The following CCDC91 variants were observed in gnomAD, a reference collection of about 807,000 sequenced individuals.
CCDC91 encodes coiled-coil domain-containing protein 91.
In CCDC91, 48 loss-of-function variants were observed where a neutral mutation model predicts 63.2. The ratio of observed to expected loss-of-function variants is 0.76; its 90% CI spans 0.60 to 0.97. The LOEUF is 0.97. CCDC91 is among the 50% of genes least tolerant of loss of function. The pLI is 0.00. For missense variants in CCDC91, 500 were observed against 494.6 expected (o/e 1.01, Z -0.10); for synonymous variants, 167 against 165.8 (o/e 1.01, Z -0.06).
chr12:28,408,359 C>A (rs538000774), intron 8 of CCDC91, among the ~76,000 whole-genome samples: 1 of 152,190 alleles, frequency 6.6e-6, no homozygotes, highest in African/African-American at 2.4e-5. Context: ...ATATATGTGT[C>A]ACATTTTCTT....
intron 7 of CCDC91, among the ~76,000 whole-genome samples, chr12:28,382,463 TA>T (rs1036259148): frequency 2.0e-5 from 3 of 151,070 alleles, no homozygotes; most frequent in South Asian, 4.2e-4. Context: ...ACCATTAATG[TA>T]AAAAAAAATT....
chr12:28,281,462 C>G (rs1948606194), intron 3 of CCDC91, among the ~76,000 whole-genome samples: 1 of 152,150 alleles, frequency 6.6e-6, no homozygotes, highest in South Asian at 2.1e-4. Flanking sequence ...ATGATTGAAT[C>G]AGGCCATAAT....
At chr12:28,490,061 A>G (rs1951916538) in intron 12 of CCDC91, among the ~76,000 whole-genome samples, 1 of 151,838 alleles carries the variant, frequency 6.6e-6, no homozygotes, top group Non-Finnish European at 1.5e-5. Context: ...TTAATTCTTG[A>G]TATAAATCAG....
intron 12 of CCDC91, 43 bp downstream of exon 12, chr12:28,484,208 T>G (rs1951599616): frequency 9.4e-7 from 1 of 1,064,066 alleles, no homozygotes; most frequent in Non-Finnish European, 1.4e-6. Context: ...TTCAATAAAC[T>G]GAATCAGTGA....
chr12:28,519,672 A>T (rs932480737), intron 12 of CCDC91, among the ~76,000 whole-genome samples: 3 of 149,096 alleles, frequency 2.0e-5, no homozygotes, highest in Non-Finnish European at 4.5e-5. Context: ...TGCACCCATT[A>T]ACTCATCATT....
intron 11 of CCDC91, among the ~76,000 whole-genome samples, chr12:28,466,379 A>G (rs1950550631): frequency 6.6e-6 from 1 of 152,156 alleles, no homozygotes; most frequent in Non-Finnish European, 1.5e-5. Context: ...CACTAACCAC[A>G]TTTAATCCAA....
chr12:28,339,143 AT>A (rs1565822075), intron 6 of CCDC91, among the ~76,000 whole-genome samples: 1 of 152,038 alleles, frequency 6.6e-6, no homozygotes, highest in African/African-American at 2.4e-5. Context: ...GCCCAACTGG[AT>A]TCTGGTATAT....
chr12:28,273,610 A>G (rs1474970466), intron 3 of CCDC91, among the ~76,000 whole-genome samples: 1 of 151,954 alleles, frequency 6.6e-6, no homozygotes. Flanking sequence ...GCATTTTTTC[A>G]TGTGTCTTTT....
intron 6 of CCDC91, among the ~76,000 whole-genome samples, chr12:28,336,933 TAACTG>T (rs1942028159): frequency 6.6e-6 from 1 of 150,722 alleles, no homozygotes; most frequent in South Asian, 2.1e-4. Context: ...TTTAAAAAGT[TAACTG>T]AAGACAATAT....
intron 7 of CCDC91, among the ~76,000 whole-genome samples, chr12:28,375,809 C>T (rs1450679556): frequency 6.6e-6 from 1 of 151,894 alleles, no homozygotes; most frequent in Non-Finnish European, 1.5e-5. Flanking sequence ...TGCACTCGCT[C>T]AGACTTCATG....
At chr12:28,483,924 T>C in intron 11 of CCDC91, 128 bp from the exon 12 acceptor site, 1 of 519,044 alleles carries the variant, frequency 1.9e-6, no homozygotes, top group Non-Finnish European at 3.5e-6. Flanking sequence ...TTCTTATTCC[T>C]GTGTAAAGGT....
chr12:28,199,581 C>T (rs1175100748), intron 1 of CCDC91, among the ~76,000 whole-genome samples: 1 of 152,102 alleles, frequency 6.6e-6, no homozygotes, highest in Non-Finnish European at 1.5e-5. Flanking sequence ...TGTCTCTTGT[C>T]CTTTCAGTTC....
chr12:28,548,947 C>T, intron 12 of CCDC91, 116 bp from the exon 13 acceptor site: 2 of 633,228 alleles, frequency 3.2e-6, no homozygotes, highest in Non-Finnish European at 5.7e-6. Flanking sequence ...ATTTGATTTC[C>T]TAAATTGTCT....
At chr12:28,264,156 TAACA>T (rs991550753) in intron 3 of CCDC91, among the ~76,000 whole-genome samples, 6 of 151,794 alleles carry the variant, frequency 4.0e-5, no homozygotes, top group African/African-American at 1.4e-4. Context: ...TGCCAGTAGG[TAACA>T]ATAGAGACTA....
At chr12:28,315,349 A>G (rs976622200) in intron 6 of CCDC91, among the ~76,000 whole-genome samples, 3 of 151,846 alleles carry the variant, frequency 2.0e-5, no homozygotes, top group African/African-American at 7.3e-5. Flanking sequence ...TATTTTTAGT[A>G]GAGATGCGGT....
chr12:28,217,110 C>T (rs932641051), intron 1 of CCDC91, among the ~76,000 whole-genome samples: 10 of 152,016 alleles, frequency 6.6e-5, no homozygotes, highest in South Asian at 6.2e-4. Context: ...AAGGAAATTA[C>T]GGCCCGAACT....
chr12:28,392,763 A>G (rs1946029322), intron 8 of CCDC91, among the ~76,000 whole-genome samples: 1 of 152,206 alleles, frequency 6.6e-6, no homozygotes, highest in Non-Finnish European at 1.5e-5. Flanking sequence ...CCATGGCCTC[A>G]AGCTCAAAAG....
intron 6 of CCDC91, among the ~76,000 whole-genome samples, chr12:28,309,473 T>C (rs774950848): frequency 2.0e-5 from 3 of 152,050 alleles, no homozygotes; most frequent in Non-Finnish European, 4.4e-5. Context: ...TTAAATTTCC[T>C]ATCTAAATCC....
At chr12:28,358,023 G>A (rs1448367132) in intron 6 of CCDC91, among the ~76,000 whole-genome samples, 1 of 152,098 alleles carries the variant, frequency 6.6e-6, no homozygotes, top group Non-Finnish European at 1.5e-5. Context: ...GTCACAGTGT[G>A]GTTGTATGAT....
Sources: gnomAD v4.1 joint callset for allele counts (sites outside exome capture counted in the v4.1 genomes callset) on GRCh38, gnomAD v4.1.1 for gene constraint, MANE v1.5 for transcripts, NCBI Gene and HGNC (gene_info 2026-07-23, HGNC 2026-07-21) for gene names.